Variants in TMEM132D observed in about 807,000 individuals in gnomAD.
TMEM132D encodes transmembrane protein 132D, also known as mature OL transmembrane protein.
TMEM132D carries 21 observed loss-of-function variants against 62.3 expected under a neutral mutation model. The ratio of observed to expected loss-of-function variants is 0.34; its 90% CI spans 0.24 to 0.49. TMEM132D has a LOEUF of 0.49. Among genes scored for constraint, TMEM132D ranks in the 20% least tolerant of loss-of-function variants. The pLI, the probability that TMEM132D is intolerant of heterozygous loss-of-function variation, is 0.99. For missense variants in TMEM132D, 1,346 were observed against 1,402.8 expected (o/e 0.96, Z 0.65); for synonymous variants, 621 against 575.6 (o/e 1.08, Z -1.13).
intron 1 of TMEM132D, among the ~76,000 whole-genome samples, chr12:129,717,401 A>T (rs7297100): frequency 0.68 from 102,930 of 151,902 alleles, 34,986 homozygotes; most frequent in East Asian, 0.86. Flanking sequence ...AAATGTTGCT[A>T]CTTCATTTGC....
At chr12:129,236,271 CTT>C (rs1482532068) in intron 4 of TMEM132D, among the ~76,000 whole-genome samples, 1 of 151,752 alleles carries the variant, frequency 6.6e-6, no homozygotes, top group Non-Finnish European at 1.5e-5. Context: ...TATCCCAGCA[CTT>C]TGGGAAGCTG....
Position 129,363,335 on chromosome 12 carries a change from C to T in TMEM132D, c.1116-25518G>A, listed in dbSNP as rs74461706. Among the ~76,000 whole-genome samples, 1,272 of 152,330 alleles carry T rather than the reference C, an allele frequency of 8.4e-3. 21 individuals carry two copies. The highest frequency in any genetic ancestry group is 0.029 in the African/African-American group (1,220 of 41,576). On this transcript the variant is annotated intron_variant, in intron 3 of 8. Transcript: ENST00000422113. ...AAAATCTAACACCGTCAGCTCAATA[C>T]TGAAATAAGTGACGAGCAAAGACCA... is the stretch of plus-strand genomic sequence containing the variant.
intron 2 of TMEM132D, among the ~76,000 whole-genome samples, chr12:129,661,311 T>C (rs189978516): frequency 2.0e-5 from 3 of 152,356 alleles, no homozygotes; most frequent in African/African-American, 7.2e-5. Flanking sequence ...CTGCAAATGG[T>C]AGTGGTTGAC....
chr12:129,627,331 T>C (rs1243292929), intron 2 of TMEM132D, among the ~76,000 whole-genome samples: 1 of 152,198 alleles, frequency 6.6e-6, no homozygotes, highest in Non-Finnish European at 1.5e-5. Context: ...GTGTTACAAT[T>C]TCCTGCCATA....
At chr12:129,687,533 A>G (rs1880962087) in intron 2 of TMEM132D, among the ~76,000 whole-genome samples, 1 of 152,008 alleles carries the variant, frequency 6.6e-6, no homozygotes, top group South Asian at 2.1e-4. Flanking sequence ...TGGAAGAGTT[A>G]GGTTGTTTCC....
At chr12:129,901,112 T>C (rs2137402812) in intron 1 of TMEM132D, among the ~76,000 whole-genome samples, 1 of 152,348 alleles carries the variant, frequency 6.6e-6, no homozygotes, top group Admixed American at 6.5e-5. Flanking sequence ...TATTTAATAC[T>C]TGATAATATT....
At chr12:129,742,620 A>T (rs994464296) in intron 1 of TMEM132D, among the ~76,000 whole-genome samples, 1 of 152,226 alleles carries the variant, frequency 6.6e-6, no homozygotes, top group African/African-American at 2.4e-5. Context: ...TCCTTAAACA[A>T]TTAAGTTTTG....
chr12:129,607,051 TTTTC>T lies in TMEM132D; in HGVS notation c.969-75850_969-75847del, dbSNP rs755623996. Among the ~76,000 whole-genome samples, 170 of 151,036 alleles carry T rather than the reference TTTTC, an allele frequency of 1.1e-3. 1 individual carries two copies. Among genetic ancestry groups the T allele is most frequent in the African/African-American group, 2.8e-3 (114 of 41,328 alleles). The stretch of plus-strand genomic sequence containing the variant: ...TCTGTGTCTCCACTGCTTAGTTTCT[TTTTC>T]TTTCTTTCTTTCTTTCTTTTTTTTT... On this transcript the variant is annotated intron_variant, in intron 2 of 8. Coordinates refer to ENST00000422113, the MANE Select transcript of TMEM132D (RefSeq NM_133448.3).
In TMEM132D at chr12:129,505,282, G is replaced by A. The variant is rs531645858; in HGVS notation, c.1115+25777C>T. Among the ~76,000 whole-genome samples, 310 of 150,140 alleles carry A rather than the reference G, an allele frequency of 2.1e-3. 2 individuals are homozygous for A. The highest frequency in any genetic ancestry group is 7.0e-3 in the African/African-American group (285 of 40,672). On this transcript the variant is annotated intron_variant, in intron 3 of 8. Coordinates refer to ENST00000422113, the MANE Select transcript of TMEM132D (RefSeq NM_133448.3). ...TTTTGAGACGGAGTCTCATTCTGTC[G>A]CCCAGGCTGGAGTGCAGTGGCGCAA...
chr12:129,209,769 C>CCTG, intron 4 of TMEM132D, 106 bp from the exon 5 acceptor site: 1 of 1,483,900 alleles, frequency 6.7e-7, no homozygotes, highest in Non-Finnish European at 9.1e-7. Flanking sequence ...CAGCACTGGC[C>CCTG]TCTTCTGCAG....
At chr12:129,731,149 GTT>G (rs1187414123) in intron 1 of TMEM132D, among the ~76,000 whole-genome samples, 1 of 152,036 alleles carries the variant, frequency 6.6e-6, no homozygotes, top group Non-Finnish European at 1.5e-5. Flanking sequence ...ACGGTAGAAG[GTT>G]TATATAATGC....
chr12:129,736,077 C>T (rs954956161), intron 1 of TMEM132D, among the ~76,000 whole-genome samples: 2 of 152,168 alleles, frequency 1.3e-5, no homozygotes, highest in Non-Finnish European at 2.9e-5. Context: ...ATCCTCATCT[C>T]GCCCATCTCC....
At chr12:129,228,440 G>C (rs951806299) in intron 4 of TMEM132D, among the ~76,000 whole-genome samples, 1 of 152,124 alleles carries the variant, frequency 6.6e-6, no homozygotes, top group African/African-American at 2.4e-5. Flanking sequence ...GATACGTGCA[G>C]TATTACCACA....
chr12:129,255,140 C>T lies in TMEM132D; in HGVS notation c.1300-45477G>A, dbSNP rs1003843038. Reference sequence around the variant, plus strand: ...TGTCTGGTCCCCCTTCACCTTCCACCGCGACTGCATGATTCTAAGTTTCCT... The same window carrying T: ...TGTCTGGTCCCCCTTCACCTTCCACTGCGACTGCATGATTCTAAGTTTCCT... On this transcript the variant is annotated intron_variant, in intron 4 of 8. Coordinates refer to ENST00000422113, the MANE Select transcript of TMEM132D (RefSeq NM_133448.3). Among the ~76,000 whole-genome samples, 6 of 152,194 alleles carry T rather than the reference C, an allele frequency of 3.9e-5. No homozygotes were observed. The East Asian group carries it at 7.7e-4, about 20-fold the overall frequency.
intron 1 of TMEM132D, among the ~76,000 whole-genome samples, chr12:129,821,099 T>C (rs1225183707): frequency 6.6e-6 from 1 of 152,206 alleles, no homozygotes; most frequent in Non-Finnish European, 1.5e-5. Context: ...CAACATTCTC[T>C]GATTCCAATT....
At chr12:129,464,563 T>A (rs1873816999) in intron 3 of TMEM132D, among the ~76,000 whole-genome samples, 1 of 152,212 alleles carries the variant, frequency 6.6e-6, no homozygotes, top group African/African-American at 2.4e-5. Context: ...ATGTCCTGAA[T>A]AGTAATGCCT....
chr12:129,241,941 G>GA (rs1230773447), intron 4 of TMEM132D, among the ~76,000 whole-genome samples: 1 of 152,054 alleles, frequency 6.6e-6, no homozygotes, highest in Admixed American at 6.5e-5. Context: ...TTAAACAACA[G>GA]AAAAAAATGC....
At chr12:129,646,421 G>A (rs1159968213) in intron 2 of TMEM132D, among the ~76,000 whole-genome samples, 1 of 152,106 alleles carries the variant, frequency 6.6e-6, no homozygotes, top group South Asian at 2.1e-4. Flanking sequence ...CCCAGCCATT[G>A]CATCAGCACC....
At chr12:129,475,856 T>C (rs937932778) in intron 3 of TMEM132D, among the ~76,000 whole-genome samples, 1 of 152,198 alleles carries the variant, frequency 6.6e-6, no homozygotes, top group East Asian at 1.9e-4. Context: ...TTTGAAAAAG[T>C]TCTAGACAAA....
Sources: gnomAD v4.1 joint callset for allele counts (sites outside exome capture counted in the v4.1 genomes callset) on GRCh38, gnomAD v4.1.1 for gene constraint, MANE v1.5 for transcripts, NCBI Gene and HGNC (gene_info 2026-07-23, HGNC 2026-07-21) for gene names.